ALPK1: variants seen among roughly 807,000 people sequenced by gnomAD.
The protein encoded by ALPK1 is alpha kinase 1.
ALPK1 carries 110 observed loss-of-function variants against 120.6 expected under a neutral mutation model. That is an observed-to-expected ratio of 0.91 (90% CI 0.78 to 1.07). ALPK1 has a LOEUF of 1.07. Among genes scored for constraint, ALPK1 ranks in the 50% least tolerant of loss-of-function variants. The pLI is 0.00. For missense variants in ALPK1, 1,498 were observed against 1,483.9 expected, an observed-to-expected ratio of 1.01 and a Z score of -0.16; for synonymous variants, 582 against 560.3, an observed-to-expected ratio of 1.04 and a Z score of -0.55.
chr4:112,438,489 T>G lies in ALPK1; in HGVS notation c.3194T>G (p.Val1065Gly). 6.2e-7 allele frequency: 1 copy of G among 1,613,166 alleles called. No homozygotes were observed. The highest frequency in any genetic ancestry group is 1.1e-5 in the South Asian group (1 of 91,012). ...LHQEEILGRY[V>G]GKDYKEQKGL... ...TGGATTTTCTTTGTTCATAGGTATG[T>G]TGGGAAAGACTATAAGGAGCAGAAG... is the stretch of plus-strand genomic sequence containing the variant. Residue 1065 changes from valine to glycine, a missense_variant, in exon 13 of 16, where the codon GTT becomes GGT. Transcript: ENST00000650871.
intron 12 of ALPK1, among the ~76,000 whole-genome samples, chr4:112,436,952 A>T (rs921183935): frequency 1.3e-5 from 2 of 152,192 alleles, no homozygotes; most frequent in Non-Finnish European, 2.9e-5. Flanking sequence ...TTGAATAGAT[A>T]CTTTCTGGTA....
At chr4:112,323,963 A>C (rs1284494223) in intron 2 of ALPK1, among the ~76,000 whole-genome samples, 1 of 152,190 alleles carries the variant, frequency 6.6e-6, no homozygotes, top group African/African-American at 2.4e-5. Flanking sequence ...GATGCTGTGC[A>C]TGCAGTCAGT....
intron 4 of ALPK1, chr4:112,384,987 C>T (rs1732089388): frequency 6.6e-6 from 1 of 152,156 alleles, no homozygotes; most frequent in Non-Finnish European, 1.5e-5. Flanking sequence ...CCAAGGAAGG[C>T]GAGAGCAAAA....
chr4:112,420,920 A>C (rs1301654548), intron 5 of ALPK1, among the ~76,000 whole-genome samples: 1 of 151,674 alleles, frequency 6.6e-6, no homozygotes, highest in Non-Finnish European at 1.5e-5. Flanking sequence ...GCAACCTACA[A>C]CTCCTGGGTT....
Position 112,297,459 on chromosome 4 carries a change from T to G in ALPK1, c.-163T>G, listed in dbSNP as rs1054805978. On this transcript the variant is annotated 5_prime_UTR_variant, in exon 1 of 16. Coordinates refer to ENST00000650871, the MANE Select transcript of ALPK1 (RefSeq NM_025144.4). ...GCTGGTCTTAAAGTACTTTTCCTCT[T>G]TAAGATAAAAGTGAGTATCATCCTT... 6.6e-6 allele frequency: 1 copy of G among 152,096 alleles called. No individual in the cohort carries two copies. Among genetic ancestry groups the G allele is most frequent in the African/African-American group, 2.4e-5 (1 of 41,410 alleles). The allele number at this position is 152,096 out of a possible 1,614,324, so 9.4% of individuals were successfully genotyped here.
intron 1 of ALPK1, among the ~76,000 whole-genome samples, chr4:112,299,722 T>C (rs1187095271): frequency 6.6e-6 from 1 of 152,154 alleles, no homozygotes; most frequent in Non-Finnish European, 1.5e-5. Context: ...GTACAAAGTA[T>C]TTGACAGAGA....
At chr4:112,323,847 CA>C (rs755341334) in intron 2 of ALPK1, among the ~76,000 whole-genome samples, 1 of 152,118 alleles carries the variant, frequency 6.6e-6, no homozygotes, top group Non-Finnish European at 1.5e-5. Flanking sequence ...GAGACAGAGA[CA>C]AAAGGTTTTA....
At chr4:112,363,674 A>G (rs571176312) in intron 2 of ALPK1, among the ~76,000 whole-genome samples, 3 of 152,296 alleles carry the variant, frequency 2.0e-5, no homozygotes, top group South Asian at 2.1e-4. Context: ...CAAGGCAACA[A>G]TGGATTTAAA....
chr4:112,348,934 T>C (rs538675861), intron 2 of ALPK1, among the ~76,000 whole-genome samples: 8 of 152,342 alleles, frequency 5.3e-5, no homozygotes, highest in Middle Eastern at 3.4e-3. Flanking sequence ...TGTAATCCGA[T>C]GGAGGCTCTT....
At position 112,440,936 on chromosome 4, in the gene ALPK1, A is replaced by G; in HGVS notation, c.3558A>G (p.Gly1186=). ...VDLQGWVTGN[G]KGLIYLTDPQ... The stretch of plus-strand genomic sequence containing the variant: ...TTTTAGGTTGGGTAACCGGTAATGG[A>G]AAAGGACTCATCTACCTCACAGATC... Residue 1186 remains glycine (G), a synonymous_variant, in exon 15 of 16, where the codon GGA becomes GGG. Transcript: ENST00000650871. The G allele has an allele frequency of 6.2e-7, 1 of 1,612,662 alleles. No homozygotes were observed. The highest frequency in any genetic ancestry group is 8.5e-7 in the Non-Finnish European group (1 of 1,179,418).
chr4:112,344,898 G>A (rs1730038623), intron 2 of ALPK1, among the ~76,000 whole-genome samples: 1 of 152,170 alleles, frequency 6.6e-6, no homozygotes, highest in South Asian at 2.1e-4. Context: ...GCAAATTACA[G>A]ATTTAAAATG....
At chr4:112,346,827 A>G (rs917191057) in intron 2 of ALPK1, among the ~76,000 whole-genome samples, 3 of 152,278 alleles carry the variant, frequency 2.0e-5, no homozygotes, top group Non-Finnish European at 4.4e-5. Context: ...ACCAGCAAAA[A>G]TAATCTTTCA....
In ALPK1 at chr4:112,377,822, G is replaced by C. The variant is rs767172896; in HGVS notation, c.45G>C (p.Lys15Asn). Residue 15 changes from lysine to asparagine, a missense_variant, in exon 3 of 16, where the codon AAG (lysine) becomes AAC (asparagine). Coordinates refer to ENST00000650871, the MANE Select transcript of ALPK1 (RefSeq NM_025144.4). Reference sequence around the variant, plus strand: ...TAGCTGTGCTACTGCAAGAGTGCAAGCAAGTGCTGGATCAGCTCTTGTTGG... The same window carrying C: ...TAGCTGTGCTACTGCAAGAGTGCAACCAAGTGCTGGATCAGCTCTTGTTGG... Reference protein sequence around the residue: ...KVVAVLLQECKQVLDQLLLEA... With the variant: ...KVVAVLLQECNQVLDQLLLEA... 2 of 1,613,566 alleles carry C rather than the reference G, an allele frequency of 1.2e-6. No individual in the cohort carries two copies. The highest frequency in any genetic ancestry group is 1.7e-6 in the Non-Finnish European group (2 of 1,179,706).
intron 2 of ALPK1, among the ~76,000 whole-genome samples, chr4:112,329,919 C>T (rs1200063701): frequency 1.3e-5 from 2 of 152,188 alleles, no homozygotes; most frequent in Non-Finnish European, 2.9e-5. Flanking sequence ...TAAGGGGAAG[C>T]CACAAACTAC....
intron 4 of ALPK1, among the ~76,000 whole-genome samples, chr4:112,405,331 T>A (rs1157073789): frequency 6.6e-6 from 1 of 152,174 alleles, no homozygotes; most frequent in East Asian, 1.9e-4. Flanking sequence ...TTTGCTCTCA[T>A]AATACCAACT....
chr4:112,360,089 T>C (rs531811274), intron 2 of ALPK1, among the ~76,000 whole-genome samples: 81 of 152,292 alleles, frequency 5.3e-4, no homozygotes, highest in African/African-American at 1.9e-3. Flanking sequence ...ACCCCATCCC[T>C]GCATCTTCTA....
At chr4:112,324,628 C>T (rs1729025743) in intron 2 of ALPK1, among the ~76,000 whole-genome samples, 1 of 152,092 alleles carries the variant, frequency 6.6e-6, no homozygotes, top group Admixed American at 6.5e-5. Flanking sequence ...AGGTATGTGC[C>T]ACCACTACAG....
At chr4:112,376,212 G>T (rs1320293756) in intron 2 of ALPK1, among the ~76,000 whole-genome samples, 2 of 152,176 alleles carry the variant, frequency 1.3e-5, no homozygotes, top group Middle Eastern at 6.3e-3. Flanking sequence ...GGTTAGACTT[G>T]CTCTTAGTGA....
chr4:112,337,512 T>C (rs1051369803), intron 2 of ALPK1, among the ~76,000 whole-genome samples: 1 of 151,998 alleles, frequency 6.6e-6, no homozygotes, highest in Non-Finnish European at 1.5e-5. Flanking sequence ...TGGGCAACAG[T>C]AGTGAGACTC....
Sources: allele counts gnomAD v4.1 joint callset (sites outside exome capture counted in the v4.1 genomes callset), GRCh38; gene constraint gnomAD v4.1.1; transcripts MANE v1.5; gene names NCBI Gene and HGNC (gene_info 2026-07-23, HGNC 2026-07-21).